USP3: variants seen among roughly 807,000 people sequenced by gnomAD.
USP3 encodes the protein ubiquitin carboxyl-terminal hydrolase 3.
Under a neutral mutation model 72.3 loss-of-function variants are expected in USP3, and 20 were observed. The ratio of observed to expected loss-of-function variants is 0.28; its 90% CI spans 0.19 to 0.40. The LOEUF is 0.40. Ranked by LOEUF, USP3 falls within the 10% of genes least tolerant of loss-of-function variation. The pLI, the probability that USP3 is intolerant of heterozygous loss-of-function variation, is 1.00. For missense variants in USP3, 479 were observed against 633.9 expected, an observed-to-expected ratio of 0.76 and a Z score of 2.62; for synonymous variants, 222 against 225.3, an observed-to-expected ratio of 0.99 and a Z score of 0.13.
chr15:63,511,576 G>A (rs974195695), intron 1 of USP3, among the ~76,000 whole-genome samples: 8 of 152,076 alleles, frequency 5.3e-5, no homozygotes, highest in Non-Finnish European at 7.4e-5. Flanking sequence ...TTTATAGGCC[G>A]AAATTCATAT....
rs149478515 is a variant in USP3 at position 63,560,825 on chromosome 15, C to T, written c.647+855C>T. Among the ~76,000 whole-genome samples, 242 of 152,232 alleles carry T rather than the reference C, an allele frequency of 1.6e-3. 3 individuals carry two copies. Among genetic ancestry groups the T allele is most frequent in the African/African-American group, 5.6e-3 (233 of 41,530 alleles). On this transcript the variant is annotated intron_variant, in intron 7 of 14. Transcript: ENST00000380324. ...AGTGAGCACATTTTTCATAACTTTA[C>T]AGCTCTTTTTCAGAAGGACTGTGAC...
intron 1 of USP3, among the ~76,000 whole-genome samples, chr15:63,512,643 C>T (rs1272144647): frequency 6.6e-6 from 1 of 151,910 alleles, no homozygotes; most frequent in Non-Finnish European, 1.5e-5. Context: ...CGGGGTTTCA[C>T]TGTGTTGGCC....
At chr15:63,555,113 C>G (rs143401560) in intron 4 of USP3, among the ~76,000 whole-genome samples, 10 of 152,282 alleles carry the variant, frequency 6.6e-5, no homozygotes, top group African/African-American at 2.2e-4. Context: ...GTTAAAAAAT[C>G]TTTTCTTTCC....
intron 1 of USP3, among the ~76,000 whole-genome samples, chr15:63,516,308 T>A (rs1411848693): frequency 2.6e-5 from 4 of 152,242 alleles, no homozygotes; most frequent in African/African-American, 9.6e-5. Context: ...TCTGCTGTCA[T>A]TTGAAATAGT....
chr15:63,556,929 C>A, intron 5 of USP3, 181 bp downstream of exon 5: 1 of 521,300 alleles, frequency 1.9e-6, no homozygotes, highest in Non-Finnish European at 3.5e-6. Context: ...CCCAGTGAGT[C>A]CATCTGTCAG....
intron 4 of USP3, among the ~76,000 whole-genome samples, chr15:63,555,029 CCT>C (rs1205507066): frequency 2.0e-5 from 3 of 152,090 alleles, no homozygotes; most frequent in Non-Finnish European, 4.4e-5. Context: ...TGTCCTTCAC[CCT>C]CTCAGTCTGA....
At chr15:63,578,574 T>C (rs2066903618) in intron 11 of USP3, among the ~76,000 whole-genome samples, 1 of 141,562 alleles carries the variant, frequency 7.1e-6, no homozygotes, top group African/African-American at 2.7e-5. Flanking sequence ...ACGGCGCCAC[T>C]GCACTCTAGC....
At chr15:63,514,303 T>G (rs1402531539) in intron 1 of USP3, among the ~76,000 whole-genome samples, 1 of 152,172 alleles carries the variant, frequency 6.6e-6, no homozygotes, top group Non-Finnish European at 1.5e-5. Flanking sequence ...TGTTTGAAAA[T>G]TCTATCGATT....
At chr15:63,521,499 G>C (rs2065920499) in intron 1 of USP3, among the ~76,000 whole-genome samples, 1 of 152,192 alleles carries the variant, frequency 6.6e-6, no homozygotes. Flanking sequence ...TGTATCCAAG[G>C]CTGTTGAAGT....
chr15:63,561,678 G>A (rs565141013), intron 7 of USP3, among the ~76,000 whole-genome samples: 1 of 152,248 alleles, frequency 6.6e-6, no homozygotes, highest in Non-Finnish European at 1.5e-5. Flanking sequence ...AAGGGAGCCT[G>A]AGAAGGCGAG....
chr15:63,584,051 T>TGTG (rs2067009903), intron 11 of USP3, among the ~76,000 whole-genome samples: 1 of 151,930 alleles, frequency 6.6e-6, no homozygotes, highest in Non-Finnish European at 1.5e-5. Context: ...CCACAGTGGC[T>TGTG]GTACCATTTT....
chr15:63,548,018 G>A (rs2066377812), intron 3 of USP3, among the ~76,000 whole-genome samples: 1 of 151,106 alleles, frequency 6.6e-6, no homozygotes. Flanking sequence ...GGCTGAGGTG[G>A]GAGGATCACT....
intron 6 of USP3, 50 bp downstream of exon 6, chr15:63,558,238 C>T (rs775918166): frequency 2.4e-5 from 38 of 1,593,456 alleles, no homozygotes; most frequent in Middle Eastern, 1.7e-4. Context: ...GTTAAGAGCA[C>T]GGGCTCTGGC....
At chr15:63,505,373 C>T (rs1260342688) in intron 1 of USP3, among the ~76,000 whole-genome samples, 1 of 152,224 alleles carries the variant, frequency 6.6e-6, no homozygotes, top group Non-Finnish European at 1.5e-5. Context: ...TCTCCGCAGG[C>T]TCGGGCACCT....
intron 2 of USP3, among the ~76,000 whole-genome samples, 176 bp from the exon 3 acceptor site, chr15:63,536,849 G>A (rs543672088): frequency 2.7e-5 from 4 of 149,842 alleles, no homozygotes; most frequent in South Asian, 4.2e-4. Context: ...GCGAGACTCC[G>A]TCTCAAAAAA....
At chr15:63,559,817 C>G in intron 6 of USP3, 40 bp from the exon 7 acceptor site, 1 of 1,542,312 alleles carries the variant, frequency 6.5e-7, no homozygotes, top group Non-Finnish European at 8.8e-7. Flanking sequence ...CAGTCCTATT[C>G]TTTTCTTTTT....
chr15:63,530,713 C>A, intron 1 of USP3: 1 of 349,894 alleles, frequency 2.9e-6, no homozygotes, highest in Non-Finnish European at 5.5e-6. Context: ...CCATGAATAG[C>A]TGTTCAAGTA....
intron 1 of USP3, among the ~76,000 whole-genome samples, chr15:63,514,111 A>T (rs2065822519): frequency 6.6e-6 from 1 of 152,254 alleles, no homozygotes; most frequent in Admixed American, 6.5e-5. Context: ...AGTAGCTGCC[A>T]GACCTCAACA....
In USP3 at chr15:63,588,853, C is replaced by G; in HGVS notation, c.1329+38C>G. The stretch of plus-strand genomic sequence containing the variant: ...CCTTTTTAGCATGGTGAAAAAATGG[C>G]TCTTCAGTAAGATTGTCATCACATG... On this transcript the variant is annotated intron_variant, in intron 13 of 14. Transcript: ENST00000380324. This position sits in a 1 kb window ranked among gnomAD's most constrained non-coding sequence, Gnocchi z 4.6. 1 of 1,609,848 alleles carries G rather than the reference C, an allele frequency of 6.2e-7. No individual in the cohort carries two copies. The highest frequency in any genetic ancestry group is 8.5e-7 in the Non-Finnish European group (1 of 1,176,320).
Sources: gnomAD v4.1 joint callset for allele counts (sites outside exome capture counted in the v4.1 genomes callset) on GRCh38, gnomAD v4.1.1 for gene constraint, Gnocchi (gnomAD v3.1) non-coding constraint, MANE v1.5 for transcripts, NCBI Gene and HGNC (gene_info 2026-07-23, HGNC 2026-07-21) for gene names.